The following IPCEF1 variants were observed in gnomAD, a reference collection of about 807,000 sequenced individuals.
IPCEF1 encodes the protein interactor protein for cytohesin exchange factors 1.
In IPCEF1, 31 loss-of-function variants were observed where a neutral mutation model predicts 50.9. The observed-to-expected ratio is 0.61, with a 90% CI of 0.46 to 0.82. The LOEUF (loss-of-function observed/expected upper bound fraction) is 0.82. Among genes scored for constraint, IPCEF1 ranks in the 40% least tolerant of loss-of-function variants. The pLI is 0.00. For synonymous variants in IPCEF1, 181 were observed against 192.0 expected (o/e 0.94, Z 0.47); for missense variants, 458 against 514.0 (o/e 0.89, Z 1.05).
chr6:154,325,373 T>C (rs966232091), intron 1 of IPCEF1, among the ~76,000 whole-genome samples: 1 of 152,210 alleles, frequency 6.6e-6, no homozygotes, highest in Non-Finnish European at 1.5e-5. Flanking sequence ...TAGAACTACA[T>C]TGTATAAACT....
chr6:154,195,369 G>C (rs775895930), intron 10 of IPCEF1, among the ~76,000 whole-genome samples: 48 of 151,942 alleles, frequency 3.2e-4, no homozygotes, highest in Non-Finnish European at 6.3e-4. Flanking sequence ...GGATGGTCTC[G>C]ATCTCCTGAC....
At chr6:154,226,460 G>A (rs188936232) in intron 5 of IPCEF1, among the ~76,000 whole-genome samples, 149 of 151,820 alleles carry the variant, frequency 9.8e-4, no homozygotes, top group Non-Finnish European at 1.5e-3. Flanking sequence ...GCCAAAACAG[G>A]ACATGTGAGA....
chr6:154,306,295 C>G (rs1356401869), intron 1 of IPCEF1, among the ~76,000 whole-genome samples: 1 of 152,220 alleles, frequency 6.6e-6, no homozygotes, highest in African/African-American at 2.4e-5. Flanking sequence ...AAAATATAAA[C>G]TTTCAGAGAC....
At chr6:154,234,135 G>A (rs1779931311) in intron 5 of IPCEF1, among the ~76,000 whole-genome samples, 1 of 152,162 alleles carries the variant, frequency 6.6e-6, no homozygotes, top group Non-Finnish European at 1.5e-5. Flanking sequence ...TTGAGCCCAG[G>A]AGTTTGAGGT....
chr6:154,278,368 G>A (rs1395456913), intron 2 of IPCEF1, among the ~76,000 whole-genome samples: 2 of 152,162 alleles, frequency 1.3e-5, no homozygotes, highest in Non-Finnish European at 2.9e-5. Context: ...ACAGGTCCGG[G>A]AGAATGAGAC....
At chr6:154,288,429 C>T (rs868230493) in intron 2 of IPCEF1, among the ~76,000 whole-genome samples, 7 of 152,122 alleles carry the variant, frequency 4.6e-5, no homozygotes, top group South Asian at 2.1e-4. Context: ...TTTGGGAGGC[C>T]GAGGCGGGCA....
At chr6:154,272,617 T>C (rs756143073) in intron 2 of IPCEF1, among the ~76,000 whole-genome samples, 13 of 152,202 alleles carry the variant, frequency 8.5e-5, no homozygotes, top group Non-Finnish European at 1.6e-4. Context: ...AGCAAATGAG[T>C]AATAAAGTCA....
intron 1 of IPCEF1, among the ~76,000 whole-genome samples, chr6:154,336,763 A>C (rs912738690): frequency 1.2e-4 from 18 of 152,146 alleles, no homozygotes; most frequent in African/African-American, 3.6e-4. Context: ...GCCACCATGC[A>C]CAGCTAAGTT....
intron 5 of IPCEF1, among the ~76,000 whole-genome samples, chr6:154,244,299 TGG>T (rs1166657406): frequency 1.9e-4 from 13 of 68,354 alleles, no homozygotes; most frequent in African/African-American, 4.3e-4. Flanking sequence ...TGTGTGTGGG[TGG>T]GTGTGTGTGT....
intron 2 of IPCEF1, among the ~76,000 whole-genome samples, chr6:154,270,884 G>A (rs1377801790): frequency 6.6e-6 from 1 of 152,172 alleles, no homozygotes; most frequent in Non-Finnish European, 1.5e-5. Context: ...GCTGAGGTGG[G>A]AGGATGGCTT....
intron 1 of IPCEF1, among the ~76,000 whole-genome samples, chr6:154,290,859 T>C (rs1470150956): frequency 6.6e-6 from 1 of 151,964 alleles, no homozygotes; most frequent in Non-Finnish European, 1.5e-5. Flanking sequence ...CTTCTATCTA[T>C]TTTCCTGGAA....
intron 1 of IPCEF1, among the ~76,000 whole-genome samples, chr6:154,353,293 C>CAT (rs1321779330): frequency 7.8e-6 from 1 of 127,858 alleles, no homozygotes; most frequent in Admixed American, 8.3e-5. Context: ...TTTCCTTTTC[C>CAT]TTTTTTTTTT....
chr6:154,284,583 C>T (rs778233023), intron 2 of IPCEF1, among the ~76,000 whole-genome samples: 16 of 152,166 alleles, frequency 1.1e-4, no homozygotes, highest in Non-Finnish European at 2.1e-4. Context: ...TCTGAAGCCA[C>T]CTATTGACAT....
intron 9 of IPCEF1, among the ~76,000 whole-genome samples, chr6:154,203,930 C>T (rs1221731413): frequency 6.6e-6 from 1 of 152,190 alleles, no homozygotes; most frequent in African/African-American, 2.4e-5. Flanking sequence ...GATCAAGGGG[C>T]TATCGGTGCC....
At chr6:154,300,922 C>A (rs1264030541) in intron 1 of IPCEF1, among the ~76,000 whole-genome samples, 1 of 152,154 alleles carries the variant, frequency 6.6e-6, no homozygotes, top group Non-Finnish European at 1.5e-5. Flanking sequence ...AAAGGAAGAG[C>A]TACAGACCAG....
At chr6:154,347,270 G>A (rs188337928) in intron 1 of IPCEF1, among the ~76,000 whole-genome samples, 7 of 152,236 alleles carry the variant, frequency 4.6e-5, no homozygotes, top group African/African-American at 1.4e-4. Flanking sequence ...TATACTGGAC[G>A]CTCAGGTCAA....
chr6:154,222,833 A>G (rs1378942412), intron 6 of IPCEF1: 2 of 315,294 alleles, frequency 6.3e-6, no homozygotes, highest in East Asian at 1.3e-4. Context: ...GTCCTATTTA[A>G]CTGCTTGTTT....
intron 3 of IPCEF1, among the ~76,000 whole-genome samples, chr6:154,251,190 C>A (rs569553373): frequency 3.3e-5 from 5 of 152,148 alleles, no homozygotes; most frequent in Non-Finnish European, 7.3e-5. Context: ...TTGAAATAAT[C>A]TGTCATAGTA....
At chr6:154,213,928 G>C (rs1024777656) in intron 8 of IPCEF1, among the ~76,000 whole-genome samples, 1 of 152,202 alleles carries the variant, frequency 6.6e-6, no homozygotes, top group Non-Finnish European at 1.5e-5. Context: ...TTCCACAAGT[G>C]GAGCAATTAA....
Sources: allele counts gnomAD v4.1 joint callset (sites outside exome capture counted in the v4.1 genomes callset), GRCh38; gene constraint gnomAD v4.1.1; transcripts MANE v1.5; gene names NCBI Gene and HGNC (gene_info 2026-07-23, HGNC 2026-07-21).